TET1: variants seen among roughly 807,000 people sequenced by gnomAD.
TET1 encodes the protein tet methylcytosine dioxygenase 1.
Under a neutral mutation model 148.7 loss-of-function variants are expected in TET1, and 13 were observed. The observed-to-expected ratio is 0.09, with a 90% CI of 0.06 to 0.14. TET1 has a LOEUF of 0.14. TET1 is among the 10% of genes least tolerant of loss of function. TET1 has a pLI of 1.00. For synonymous variants in TET1, 907 were observed against 937.2 expected (o/e 0.97, Z 0.59); for missense variants, 2,182 against 2,553.8 (o/e 0.85, Z 3.14).
intron 3 of TET1, among the ~76,000 whole-genome samples, chr10:68,637,063 A>G (rs573357744): frequency 1.3e-5 from 2 of 151,274 alleles, no homozygotes; most frequent in East Asian, 3.9e-4. Context: ...CAGTGGTGCA[A>G]TTTCGGCTCA....
At chr10:68,563,315 G>C (rs910189292) in intron 1 of TET1, among the ~76,000 whole-genome samples, 1 of 152,240 alleles carries the variant, frequency 6.6e-6, no homozygotes, top group Non-Finnish European at 1.5e-5. Flanking sequence ...ACAGCAAGCA[G>C]TTGCCTGCCT....
chr10:68,561,449 T>C (rs1313502675), intron 1 of TET1, among the ~76,000 whole-genome samples: 1 of 152,102 alleles, frequency 6.6e-6, no homozygotes, highest in African/African-American at 2.4e-5. Context: ...TCTGTCAAAA[T>C]GGCATTTAAG....
chr10:68,563,374 G>T (rs904030023), intron 1 of TET1, among the ~76,000 whole-genome samples: 1 of 152,212 alleles, frequency 6.6e-6, no homozygotes, highest in Non-Finnish European at 1.5e-5. Flanking sequence ...ACTGAGCCAG[G>T]TGCTGCCTTT....
At chr10:68,619,836 A>G (rs1004311440) in intron 3 of TET1, among the ~76,000 whole-genome samples, 2 of 152,140 alleles carry the variant, frequency 1.3e-5, no homozygotes, top group African/African-American at 4.8e-5. Flanking sequence ...GCGAGTTTTG[A>G]TGACTGATTT....
chr10:68,633,122 T>C (rs2054601200), intron 3 of TET1, among the ~76,000 whole-genome samples: 2 of 152,022 alleles, frequency 1.3e-5, no homozygotes, highest in African/African-American at 4.8e-5. Context: ...AGGTGGAGGT[T>C]GCGGTGAGCC....
intron 3 of TET1, among the ~76,000 whole-genome samples, chr10:68,606,506 C>A (rs578169464): frequency 6.6e-6 from 1 of 152,012 alleles, no homozygotes; most frequent in Admixed American, 6.6e-5. Flanking sequence ...TTTAAACAGA[C>A]GGTTATAATG....
chr10:68,626,127 A>AAAAAAAAAAAG (rs10660283), intron 3 of TET1, among the ~76,000 whole-genome samples: 1 of 120,244 alleles, frequency 8.3e-6, no homozygotes, highest in African/African-American at 3.2e-5. Context: ...AAAAGAAAAG[A>AAAAAAAAAAAG]AAATACTTAA....
intron 2 of TET1, among the ~76,000 whole-genome samples, chr10:68,575,150 G>T (rs956625965): frequency 6.6e-6 from 1 of 152,176 alleles, no homozygotes; most frequent in Non-Finnish European, 1.5e-5. Context: ...TTGAAAGGCC[G>T]AGGCGGGCAG....
At chr10:68,571,717 G>T (rs1451471480) in intron 1 of TET1, among the ~76,000 whole-genome samples, 1 of 152,100 alleles carries the variant, frequency 6.6e-6, no homozygotes, top group African/African-American at 2.4e-5. Flanking sequence ...ATGAGTTGGA[G>T]TCTGCCTATG....
At chr10:68,636,269 T>G (rs1304412195) in intron 3 of TET1, among the ~76,000 whole-genome samples, 1 of 152,172 alleles carries the variant, frequency 6.6e-6, no homozygotes, top group Non-Finnish European at 1.5e-5. Context: ...GAGCCAATCT[T>G]CAATTTGCAC....
intron 6 of TET1, among the ~76,000 whole-genome samples, chr10:68,662,921 CA>C (rs2055143208): frequency 6.6e-6 from 1 of 151,874 alleles, no homozygotes; most frequent in South Asian, 2.1e-4. Context: ...ACACTGTCTC[CA>C]AAAGGAAAAG....
intron 3 of TET1, among the ~76,000 whole-genome samples, chr10:68,602,397 G>A (rs1229885273): frequency 6.6e-6 from 1 of 152,104 alleles, no homozygotes; most frequent in East Asian, 1.9e-4. Flanking sequence ...CAGGCATTTT[G>A]TGAAAAATAG....
chr10:68,647,040 T>C, intron 4 of TET1, 35 bp downstream of exon 4: 7 of 1,555,950 alleles, frequency 4.5e-6, no homozygotes, highest in Non-Finnish European at 6.1e-6. Flanking sequence ...TTATTTCACC[T>C]GCACAAATTA....
At chr10:68,667,306 A>T in intron 7 of TET1, 50 bp downstream of exon 7, 1 of 1,450,420 alleles carries the variant, frequency 6.9e-7, no homozygotes, top group Non-Finnish European at 9.3e-7. Context: ...TCTATTACAT[A>T]TTGGTAAAAT....
chr10:68,574,373 T>G (rs972192149), intron 2 of TET1, 121 bp downstream of exon 2: 7 of 780,118 alleles, frequency 9.0e-6, no homozygotes, highest in African/African-American at 1.8e-5. Context: ...CTATTACATA[T>G]TTTTACTTTG....
At chr10:68,661,070 C>T (rs1447557289) in intron 6 of TET1, among the ~76,000 whole-genome samples, 3 of 151,818 alleles carry the variant, frequency 2.0e-5, no homozygotes, top group African/African-American at 7.3e-5. Flanking sequence ...TGCTCTGTCG[C>T]CCAGGCTGGA....
chr10:68,602,704 G>A (rs965360902), intron 3 of TET1, among the ~76,000 whole-genome samples: 1 of 152,130 alleles, frequency 6.6e-6, no homozygotes, highest in African/African-American at 2.4e-5. Context: ...GAATAAAAGT[G>A]CCTGTGGGTG....
chr10:68,609,878 T>G (rs972605539), intron 3 of TET1, among the ~76,000 whole-genome samples: 2 of 152,118 alleles, frequency 1.3e-5, no homozygotes, highest in African/African-American at 4.8e-5. Context: ...CAGGGCACAG[T>G]GGCTCATACC....
At chr10:68,596,027 CATATAT>C (rs1554932889) in intron 2 of TET1, among the ~76,000 whole-genome samples, 1 of 61,734 alleles carries the variant, frequency 1.6e-5, no homozygotes, top group African/African-American at 7.1e-5. Flanking sequence ...CACACACACA[CATATAT>C]ATATATATAT....
Sources: allele counts gnomAD v4.1 joint callset (sites outside exome capture counted in the v4.1 genomes callset), GRCh38; gene constraint gnomAD v4.1.1; transcripts MANE v1.5; gene names NCBI Gene and HGNC (gene_info 2026-07-23, HGNC 2026-07-21).